Variants in DOCK4 observed in about 807,000 individuals in gnomAD.
DOCK4 encodes the protein dedicator of cytokinesis protein 4.
DOCK4 carries 97 observed loss-of-function variants against 268.1 expected under a neutral mutation model. That is an observed-to-expected ratio of 0.36 (90% CI 0.31 to 0.43). DOCK4 has a LOEUF of 0.43. DOCK4 is among the 20% of genes least tolerant of loss of function. The pLI is 1.00. For missense variants in DOCK4, 2,145 were observed against 2,455.7 expected, an observed-to-expected ratio of 0.87 and a Z score of 2.67; for synonymous variants, 954 against 887.2, an observed-to-expected ratio of 1.08 and a Z score of -1.34.
At chr7:111,902,031 G>A (rs1791191398) in intron 13 of DOCK4, among the ~76,000 whole-genome samples, 2 of 152,132 alleles carry the variant, frequency 1.3e-5, no homozygotes, top group South Asian at 4.1e-4. Context: ...TCTACATCTA[G>A]GAGGTGAATA....
At chr7:111,869,119 G>T (rs1030986959) in intron 21 of DOCK4, among the ~76,000 whole-genome samples, 8 of 152,116 alleles carry the variant, frequency 5.3e-5, no homozygotes, top group Non-Finnish European at 7.4e-5. Context: ...TGTGGGCAGC[G>T]TTAAGCCACA....
intron 13 of DOCK4, among the ~76,000 whole-genome samples, chr7:111,903,776 T>TA (rs796257250): frequency 2.6e-5 from 4 of 151,544 alleles, no homozygotes; most frequent in South Asian, 2.1e-4. Context: ...ATGTGGCAGG[T>TA]AAAAAAAACA....
chr7:111,978,017 C>T (rs1209129295), intron 7 of DOCK4, among the ~76,000 whole-genome samples: 1 of 152,136 alleles, frequency 6.6e-6, no homozygotes, highest in African/African-American at 2.4e-5. Flanking sequence ...TTCACGAGTC[C>T]AGGAAGGAGG....
chr7:112,088,870 T>A (rs942716341), intron 1 of DOCK4, among the ~76,000 whole-genome samples: 8 of 152,106 alleles, frequency 5.3e-5, no homozygotes, highest in Non-Finnish European at 1.0e-4. Context: ...TACCACCTCA[T>A]AGTGTGACTG....
At chr7:111,848,599 T>A (rs1356676542) in intron 23 of DOCK4, among the ~76,000 whole-genome samples, 6 of 152,190 alleles carry the variant, frequency 3.9e-5, no homozygotes, top group Non-Finnish European at 8.8e-5. Context: ...GCAGGAAATC[T>A]AAGGCCAATT....
In DOCK4 at chr7:112,044,705, C is replaced by T. The variant is rs1487771134; in HGVS notation, c.38-40574G>A. 2.0e-5 allele frequency among the ~76,000 whole-genome samples: 3 copies of T among 152,142 alleles called. 1 individual carries two copies. The highest frequency in any genetic ancestry group is 7.2e-5 in the African/African-American group (3 of 41,442). On this transcript the variant is annotated intron_variant, in intron 1 of 52. Coordinates refer to ENST00000428084, the MANE Select transcript of DOCK4 (RefSeq NM_001363540.2). ...CTTACTCACCTCGTGAAATACAACT[C>T]TCTTGCACTAGTTGTTCAGGCCCCA...
intron 1 of DOCK4, among the ~76,000 whole-genome samples, chr7:112,066,694 T>TATATATATATAC (rs1807057497): frequency 8.8e-5 from 1 of 11,300 alleles, no homozygotes; most frequent in Non-Finnish European, 2.4e-4. Context: ...CATATACATA[T>TATATATATATAC]ATATATATAT....
intron 1 of DOCK4, among the ~76,000 whole-genome samples, chr7:112,188,742 C>T (rs899325215): frequency 6.6e-6 from 1 of 152,232 alleles, no homozygotes; most frequent in Admixed American, 6.5e-5. Context: ...ACTCCAGCCT[C>T]ATTTTAAGTC....
At chr7:111,896,615 G>A (rs1415741547) in intron 15 of DOCK4, among the ~76,000 whole-genome samples, 3 of 152,020 alleles carry the variant, frequency 2.0e-5, no homozygotes, top group African/African-American at 7.2e-5. Flanking sequence ...TTAAGGGCTG[G>A]ATGGTTACTC....
chr7:111,787,616 T>C (rs1316630667), intron 32 of DOCK4, among the ~76,000 whole-genome samples: 1 of 152,208 alleles, frequency 6.6e-6, no homozygotes, highest in Non-Finnish European at 1.5e-5. Context: ...CTATCTAACC[T>C]ATTAGTCACT....
intron 1 of DOCK4, among the ~76,000 whole-genome samples, chr7:112,140,286 C>T (rs1200947530): frequency 6.6e-6 from 1 of 151,866 alleles, no homozygotes; most frequent in African/African-American, 2.4e-5. Context: ...GTCGGAGCCC[C>T]CAACCCCCAC....
intron 17 of DOCK4, among the ~76,000 whole-genome samples, chr7:111,874,531 T>G (rs1562831139): frequency 6.6e-6 from 1 of 152,222 alleles, no homozygotes; most frequent in Non-Finnish European, 1.5e-5. Context: ...TGGATGTAAT[T>G]AATCATGTAT....
intron 1 of DOCK4, among the ~76,000 whole-genome samples, chr7:112,128,602 T>C (rs1035954152): frequency 1.3e-5 from 2 of 152,250 alleles, no homozygotes; most frequent in Non-Finnish European, 2.9e-5. Flanking sequence ...GATCCTGTTA[T>C]CTGTGACCTT....
chr7:112,170,435 T>G (rs1233342631), intron 1 of DOCK4, among the ~76,000 whole-genome samples: 1 of 152,084 alleles, frequency 6.6e-6, no homozygotes, highest in African/African-American at 2.4e-5. Flanking sequence ...CACTCCAGTC[T>G]GGGTGACAGA....
intron 51 of DOCK4, among the ~76,000 whole-genome samples, chr7:111,733,750 A>C (rs1410247788): frequency 6.6e-6 from 1 of 152,194 alleles, no homozygotes; most frequent in Non-Finnish European, 1.5e-5. Context: ...ATATATGTAC[A>C]TCGTGAATGA....
chr7:111,823,753 G>A (rs537445291), intron 26 of DOCK4, among the ~76,000 whole-genome samples: 79 of 152,238 alleles, frequency 5.2e-4, no homozygotes, highest in Non-Finnish European at 6.0e-4. Flanking sequence ...TGAAGATAAC[G>A]ATATGGTGTT....
chr7:111,735,996 A>G (rs916254618), intron 50 of DOCK4, among the ~76,000 whole-genome samples: 1 of 152,194 alleles, frequency 6.6e-6, no homozygotes, highest in African/African-American at 2.4e-5. Flanking sequence ...TTTCTTTAGT[A>G]GAAGGGGTGA....
chr7:111,808,668 A>G (rs1051843340), intron 30 of DOCK4, 153 bp downstream of exon 30: 6 of 716,782 alleles, frequency 8.4e-6, no homozygotes, highest in South Asian at 2.4e-5. Flanking sequence ...ACCTCATTCA[A>G]TGCCAAAGTG....
chr7:111,861,758 AAAT>A (rs1232947496), intron 23 of DOCK4, among the ~76,000 whole-genome samples: 3,014 of 74,066 alleles, frequency 0.041, 91 homozygotes, highest in African/African-American at 0.13. Context: ...AAAAAAAAAA[AAAT>A]AATAATAATA....
Sources: allele counts gnomAD v4.1 joint callset (sites outside exome capture counted in the v4.1 genomes callset), GRCh38; gene constraint gnomAD v4.1.1; transcripts MANE v1.5; gene names NCBI Gene and HGNC (gene_info 2026-07-23, HGNC 2026-07-21).